Variants in ZFAND3 observed in about 807,000 individuals in gnomAD.
ZFAND3 encodes the protein zinc finger AN1-type containing 3.
Under a neutral mutation model 29.6 loss-of-function variants are expected in ZFAND3, and 10 were observed. The observed-to-expected ratio is 0.34, with a 90% CI of 0.21 to 0.57. The LOEUF is 0.57. ZFAND3 is among the 20% of genes least tolerant of loss of function. The pLI, the probability that ZFAND3 is intolerant of heterozygous loss-of-function variation, is 0.86. For missense variants in ZFAND3, 230 were observed against 304.5 expected, an observed-to-expected ratio of 0.76 and a Z score of 1.82; for synonymous variants, 128 against 112.6, an observed-to-expected ratio of 1.14 and a Z score of -0.87.
At chr6:37,889,076 G>A (rs2127395491) in intron 1 of ZFAND3, among the ~76,000 whole-genome samples, 1 of 152,250 alleles carries the variant, frequency 6.6e-6, no homozygotes, top group Middle Eastern at 3.4e-3. Context: ...TCTGGATTTG[G>A]TGGTTCCAGG....
intron 2 of ZFAND3, among the ~76,000 whole-genome samples, chr6:37,979,311 G>A (rs1486835645): frequency 6.6e-6 from 1 of 151,962 alleles, no homozygotes; most frequent in Non-Finnish European, 1.5e-5. Context: ...TTTCATGGTG[G>A]GTCAAGTTTT....
intron 1 of ZFAND3, among the ~76,000 whole-genome samples, chr6:37,900,381 ATC>A (rs1436363339): frequency 2.0e-5 from 3 of 152,218 alleles, no homozygotes; most frequent in Non-Finnish European, 2.9e-5. Context: ...TGCAGAAGAC[ATC>A]TCTTTTTCAA....
intron 2 of ZFAND3, among the ~76,000 whole-genome samples, chr6:38,021,945 G>T (rs1763361640): frequency 6.6e-6 from 1 of 152,164 alleles, no homozygotes; most frequent in African/African-American, 2.4e-5. Flanking sequence ...TTAAATATAG[G>T]TTTATATATC....
chr6:37,936,062 G>A (rs930488226), intron 2 of ZFAND3, among the ~76,000 whole-genome samples: 1 of 152,106 alleles, frequency 6.6e-6, no homozygotes, highest in African/African-American at 2.4e-5. Flanking sequence ...TTTAGGAATA[G>A]TTAGTACCTA....
intron 2 of ZFAND3, among the ~76,000 whole-genome samples, chr6:37,967,441 C>G (rs1043542871): frequency 1.8e-4 from 28 of 152,202 alleles, no homozygotes; most frequent in African/African-American, 6.5e-4. Flanking sequence ...TCAGTCATTT[C>G]TCCAAGGAGC....
At chr6:37,848,962 A>T (rs867078899) in intron 1 of ZFAND3, among the ~76,000 whole-genome samples, 64 of 152,310 alleles carry the variant, frequency 4.2e-4, no homozygotes, top group African/African-American at 1.2e-3. Flanking sequence ...TTGACAAGTG[A>T]AGTTCTTTAA....
At chr6:37,951,023 C>T (rs2495218) in intron 2 of ZFAND3, among the ~76,000 whole-genome samples, 148,392 of 152,298 alleles carry the variant, frequency 0.97, 72,424 homozygotes, top group East Asian at 1. Context: ...TCCACTTGTT[C>T]GTGTCATCTC....
chr6:37,880,528 A>G (rs1467535756), intron 1 of ZFAND3, among the ~76,000 whole-genome samples: 1 of 152,174 alleles, frequency 6.6e-6, no homozygotes, highest in Non-Finnish European at 1.5e-5. Flanking sequence ...GTCCTCCAGG[A>G]TGAGATACCC....
chr6:38,144,231 A>ATATATAATATATATATATATATT (rs1365246829), intron 5 of ZFAND3, among the ~76,000 whole-genome samples: 2 of 75,256 alleles, frequency 2.7e-5, no homozygotes, highest in African/African-American at 8.5e-5. Flanking sequence ...ATATATATAT[A>ATATATAATATATATATATATATT]TTTTTTTTTT....
In ZFAND3 at chr6:37,895,040, TA is replaced by T. The variant is rs1765173686; in HGVS notation, c.72-34918del. Among the ~76,000 whole-genome samples the T allele has an allele frequency of 2.0e-5, 3 of 152,142 alleles. No individual in the cohort carries two copies. The South Asian group carries it at 6.2e-4, about 32-fold the overall frequency. ...GTAGAGATTTTTGGATCAAAGGGCT[TA>T]TTATGTTTCCAATCAGTTTTTAAAC... On this transcript the variant is annotated intron_variant, in intron 1 of 5. Coordinates refer to ENST00000287218, the MANE Select transcript of ZFAND3 (RefSeq NM_021943.3).
intron 2 of ZFAND3, among the ~76,000 whole-genome samples, chr6:38,046,641 G>A (rs964726051): frequency 6.6e-6 from 1 of 152,154 alleles, no homozygotes; most frequent in African/African-American, 2.4e-5. Flanking sequence ...AGTAACCGGT[G>A]TCCATTTGAG....
intron 2 of ZFAND3, among the ~76,000 whole-genome samples, chr6:38,038,328 C>T (rs1334391874): frequency 6.6e-6 from 1 of 152,024 alleles, no homozygotes; most frequent in Non-Finnish European, 1.5e-5. Flanking sequence ...CTTTTGATTG[C>T]AATTAAAAAG....
intron 2 of ZFAND3, among the ~76,000 whole-genome samples, chr6:37,984,767 A>T (rs1762638037): frequency 6.6e-6 from 1 of 152,226 alleles, no homozygotes; most frequent in South Asian, 2.1e-4. Flanking sequence ...GGCAAGTTTC[A>T]GCTAGATCCA....
rs137897834 is a variant in ZFAND3 at position 38,007,055 on chromosome 6, A to G, written c.113-54538A>G. Among the ~76,000 whole-genome samples, 30 of 152,330 alleles carry G rather than the reference A, an allele frequency of 2.0e-4. No homozygotes were observed. In the East Asian group the frequency reaches 5.8e-3, roughly 29 times the overall value. ...TCAGGGTAAGCAGTTTTTAAAAATT[A>G]AAGAGTGAAGAGAAAGTGATGGACA... is the stretch of plus-strand genomic sequence containing the variant. On this transcript the variant is annotated intron_variant, in intron 2 of 5. Transcript: ENST00000287218.
At chr6:37,855,450 C>A (rs73419414) in intron 1 of ZFAND3, among the ~76,000 whole-genome samples, 10,142 of 152,068 alleles carry the variant, frequency 0.067, 404 homozygotes, top group Non-Finnish European at 0.085. Flanking sequence ...CTGCGCCTGG[C>A]AGCAATTGAA....
intron 1 of ZFAND3, among the ~76,000 whole-genome samples, chr6:37,840,065 C>G (rs1387137580): frequency 6.6e-6 from 1 of 151,880 alleles, no homozygotes; most frequent in Admixed American, 6.6e-5. Context: ...AATAGTTTTA[C>G]AGTTTTAGCT....
At chr6:37,985,528 C>CACACACACACA (rs372598964) in intron 2 of ZFAND3, among the ~76,000 whole-genome samples, 127 of 127,762 alleles carry the variant, frequency 9.9e-4, no homozygotes, top group Middle Eastern at 4.0e-3. Context: ...CACACACACA[C>CACACACACACA]CCCCACACAC....
chr6:38,014,312 T>TTTATTATTATTATTA (rs138224141), intron 2 of ZFAND3, among the ~76,000 whole-genome samples: 32 of 146,642 alleles, frequency 2.2e-4, no homozygotes, highest in African/African-American at 7.7e-4. Context: ...GTAATTTTAC[T>TTTATTATTATTATTA]TTATTATTAT....
intron 1 of ZFAND3, among the ~76,000 whole-genome samples, chr6:37,884,750 G>T (rs1337134579): frequency 8.6e-6 from 1 of 116,750 alleles, no homozygotes; most frequent in South Asian, 2.4e-4. Context: ...CACTCAGAAC[G>T]CTTTTCTGAG....
Sources: allele counts gnomAD v4.1 joint callset (sites outside exome capture counted in the v4.1 genomes callset), GRCh38; gene constraint gnomAD v4.1.1; transcripts MANE v1.5; gene names NCBI Gene and HGNC (gene_info 2026-07-23, HGNC 2026-07-21).